Variants in ASB8 observed in about 807,000 individuals in gnomAD.
The protein encoded by ASB8 is ankyrin repeat and SOCS box protein 8.
In ASB8, 15 loss-of-function variants were observed where a neutral mutation model predicts 22.9. The ratio of observed to expected loss-of-function variants is 0.66; its 90% CI spans 0.44 to 1.01. ASB8 has a LOEUF of 1.01. Ranked by LOEUF, ASB8 falls within the 50% of genes least tolerant of loss-of-function variation. ASB8 has a pLI of 0.00. For synonymous variants in ASB8, 124 were observed against 140.8 expected (o/e 0.88, Z 0.84); for missense variants, 294 against 356.9 (o/e 0.82, Z 1.42).
chr12:48,150,030 A>C (rs1951174252), intron 3 of ASB8, 32 bp from the exon 4 acceptor site: 6 of 1,593,074 alleles, frequency 3.8e-6, no homozygotes, highest in African/African-American at 2.7e-5. Context: ...TACAGTAGAC[A>C]GACTACTGAG....
rs1301831617 is a variant in ASB8 at position 48,149,629 on chromosome 12, C to G, written c.604G>C (p.Glu202Gln). 11 of 1,614,212 alleles carry G rather than the reference C, an allele frequency of 6.8e-6. No homozygotes were observed. Among genetic ancestry groups the G allele is most frequent in the Admixed American group, 1.7e-5 (1 of 60,028 alleles). Residue 202 changes from glutamate to glutamine, a missense_variant, in exon 4 of 4, where the codon GAG (glutamate) becomes CAG (glutamine). Glu to Gln is a conservative substitution (Grantham distance 29). Transcript: ENST00000317697. ...VALLVRGLGTEKEDSCFELLH... is the reference protein window; with the variant it reads ...VALLVRGLGTQKEDSCFELLH... ...AGCTCAAAGCAAGAGTCCTCTTTCT[C>G]TGTTCCAAGTCCCCTGACTAGCAGA... is the stretch of plus-strand genomic sequence containing the variant.
At chr12:48,155,213 C>T (rs1470178653) in intron 1 of ASB8, among the ~76,000 whole-genome samples, 6 of 152,144 alleles carry the variant, frequency 3.9e-5, no homozygotes, top group Non-Finnish European at 7.4e-5. Context: ...TACACAGTAT[C>T]AGCTCTCTAG....
chr12:48,149,067 A>T lies in ASB8; in HGVS notation c.*299T>A. 1 of 386,672 alleles carries T rather than the reference A, an allele frequency of 2.6e-6. No homozygotes were observed. The highest frequency in any genetic ancestry group is 2.0e-5 in the African/African-American group (1 of 48,948). The allele number at this position is 386,672 out of a possible 1,614,324, so 24.0% of individuals were successfully genotyped here. ...ACTTTCCATCTTCCTAGAGAAATTT[A>T]GTTACACTGTTGACTCCTTCCCTAA... On this transcript the variant is annotated 3_prime_UTR_variant, in exon 4 of 4. Transcript: ENST00000317697.
intron 1 of ASB8, chr12:48,156,986 G>GAAAAAAAAA (rs745913404): frequency 1.2e-4 from 9 of 77,366 alleles, no homozygotes; most frequent in African/African-American, 3.8e-4. Flanking sequence ...CTGAGAAGCT[G>GAAAAAAAAA]AAAAAAAAAA....
At chr12:48,157,027 A>G (rs1951317330) in intron 1 of ASB8, 1 of 150,248 alleles carries the variant, frequency 6.7e-6, no homozygotes, top group African/African-American at 2.4e-5. Flanking sequence ...AAGAGAAGAC[A>G]CAACAGCTCT....
rs1951199577 is a variant in ASB8, at chr12:48,151,307, T to C, written c.130-2A>G. On this transcript the variant is annotated splice_acceptor_variant, in intron 2 of 3. Coordinates refer to ENST00000317697, the MANE Select transcript of ASB8 (RefSeq NM_024095.5). LOFTEE classifies it high-confidence loss of function. ...ATGAGTGCAGTTCACATCTGCTCCC[T>C]GTGGGCAGAAGACAACTTCAGTCAG... The C allele has an allele frequency of 6.2e-7, 1 of 1,606,702 alleles. No individual in the cohort carries two copies. The highest frequency in any genetic ancestry group is 1.1e-5 in the South Asian group (1 of 90,422).
Position 48,153,518 on chromosome 12 carries a change from GC to G in ASB8, c.-23del. ...TCATCAAGGCTCAAGGTGTTCACAT[GC>G]TCCAAACTGCCTGAAACAAAGAAGT... On this transcript the variant is annotated 5_prime_UTR_variant, in exon 2 of 4. Coordinates refer to ENST00000317697, the MANE Select transcript of ASB8 (RefSeq NM_024095.5). 6.2e-7 allele frequency: 1 copy of G among 1,612,026 alleles called. No homozygotes were observed. Among genetic ancestry groups the G allele is most frequent in the African/African-American group, 1.3e-5 (1 of 74,992 alleles).
At position 48,149,452 on chromosome 12, in the gene ASB8, T is replaced by G; in HGVS notation, c.781A>C (p.Ser261Arg). The stretch of plus-strand genomic sequence containing the variant: ...TCGGGGAGATACTGGAGTCCCAGGC[T>G]ACGGCGCACGGCATAGCGAGCGAGT... ...KTLARYAVRR[S>R]LGLQYLPDAV... is the part of the protein sequence containing the mutation. Residue 261 changes from serine (S) to arginine (R), a missense_variant, in exon 4 of 4, where the codon AGC becomes CGC. Ser to Arg is a moderately radical substitution (Grantham distance 110). Transcript: ENST00000317697. 3 of 1,614,126 alleles carry G rather than the reference T, an allele frequency of 1.9e-6. No individual in the cohort carries two copies.
rs1951228348 is a variant in ASB8, at chr12:48,153,132, T to C, written c.129+236A>G. Reference sequence around the variant, plus strand: ...AGATATTTTACAAAGAACATGAGACTAGGGTTATTGAGAACATATTCCATG... The same window carrying C: ...AGATATTTTACAAAGAACATGAGACCAGGGTTATTGAGAACATATTCCATG... On this transcript the variant is annotated intron_variant, in intron 2 of 3. Coordinates refer to ENST00000317697, the MANE Select transcript of ASB8 (RefSeq NM_024095.5). 1.9e-5 allele frequency: 9 copies of C among 467,352 alleles called. No homozygotes were observed. The East Asian group carries it at 3.3e-4, about 17-fold the overall frequency. 29.0% of individuals were successfully genotyped at this position (467,352 alleles called of 1,614,324 possible).
intron 1 of ASB8, among the ~76,000 whole-genome samples, chr12:48,154,480 CAAA>C (rs11384481): frequency 1.4e-5 from 1 of 73,814 alleles, no homozygotes; most frequent in African/African-American, 5.3e-5. Context: ...GACTCTATCT[CAAA>C]AAAAAAAAAA....
chr12:48,152,723 A>G (rs1951223380), intron 2 of ASB8: 1 of 145,490 alleles, frequency 6.9e-6, no homozygotes, highest in Non-Finnish European at 1.5e-5. Flanking sequence ...AGCCAGGCAC[A>G]GTGGCTTACA....
chr12:48,153,671 A>T, intron 1 of ASB8, 142 bp from the exon 2 acceptor site: 1 of 599,710 alleles, frequency 1.7e-6, no homozygotes, highest in South Asian at 2.1e-5. Flanking sequence ...AAGGAATTGG[A>T]TTATAATAGT....
rs1173362240 is a variant in ASB8 at position 48,148,373 on chromosome 12, T to C, written c.*993A>G. On this transcript the variant is annotated 3_prime_UTR_variant, in exon 4 of 4. Coordinates refer to ENST00000317697, the MANE Select transcript of ASB8 (RefSeq NM_024095.5). ...ACTTTAGGAGTTCTTAGGACTGTTA[T>C]TTCAGAGCTATTTATTACTGTTATT... The C allele has an allele frequency of 6.6e-6, 1 of 152,246 alleles. No homozygotes were observed. The highest frequency in any genetic ancestry group is 1.5e-5 in the Non-Finnish European group (1 of 68,038). 9.4% of individuals were successfully genotyped at this position (152,246 alleles called of 1,614,324 possible).
chr12:48,153,163 A>C (rs1951229126), intron 2 of ASB8: 1 of 561,928 alleles, frequency 1.8e-6, no homozygotes, highest in Non-Finnish European at 3.1e-6. Context: ...CCATGAAGAA[A>C]AATATCAGAT....
intron 3 of ASB8, among the ~76,000 whole-genome samples, chr12:48,150,544 C>T (rs1012426231): frequency 6.6e-6 from 1 of 152,158 alleles, no homozygotes; most frequent in African/African-American, 2.4e-5. Context: ...GCTGTGGGTT[C>T]ACAAGAGAAC....
chr12:48,154,502 G>GAAAAAAAAAAAAAAA, intron 1 of ASB8, among the ~76,000 whole-genome samples: 1 of 135,082 alleles, frequency 7.4e-6, no homozygotes. Context: ...AAAAAAAAAG[G>GAAAAAAAAAAAAAAA]AAATATTTGA....
chr12:48,150,080 C>CCACT, intron 3 of ASB8, 82 bp from the exon 4 acceptor site: 1 of 1,468,704 alleles, frequency 6.8e-7, no homozygotes, highest in East Asian at 2.3e-5. Flanking sequence ...GCATGGTTAC[C>CCACT]CACTACCTTT....
intron 2 of ASB8, 146 bp from the exon 3 acceptor site, chr12:48,151,451 A>G: frequency 1.0e-6 from 1 of 969,238 alleles, no homozygotes; most frequent in South Asian, 1.7e-5. Context: ...TTTTCTATTA[A>G]TATTATGTCA....
In ASB8 at chr12:48,151,590, T is replaced by C. The variant is rs555594523; in HGVS notation, c.130-285A>G. 268 of 1,456,572 alleles carry C rather than the reference T, an allele frequency of 1.8e-4. 1 individual carries two copies. The African/African-American group carries it at 3.2e-3, about 17-fold the overall frequency. 90.2% of individuals were successfully genotyped at this position (1,456,572 alleles called of 1,614,324 possible). On this transcript the variant is annotated intron_variant, in intron 2 of 3. Coordinates refer to ENST00000317697, the MANE Select transcript of ASB8 (RefSeq NM_024095.5). The stretch of plus-strand genomic sequence containing the variant: ...CTGGACATCACTGAAGACAATCTTA[T>C]GTATCAAAGCACTGGAAACCTTATC...
Sources: allele counts gnomAD v4.1 joint callset (sites outside exome capture counted in the v4.1 genomes callset), GRCh38; gene constraint gnomAD v4.1.1; transcripts MANE v1.5; gene names NCBI Gene and HGNC (gene_info 2026-07-23, HGNC 2026-07-21).